GRID2: variants seen among roughly 807,000 people sequenced by gnomAD.
GRID2 encodes glutamate ionotropic receptor delta type subunit 2, also known as glutamate receptor ionotropic, delta-2.
Under a neutral mutation model 114.8 loss-of-function variants are expected in GRID2, and 33 were observed. The ratio of observed to expected loss-of-function variants is 0.29; its 90% confidence interval spans 0.22 to 0.38. The LOEUF (loss-of-function observed/expected upper bound fraction) is 0.38. Ranked by LOEUF, GRID2 falls within the 10% of genes least tolerant of loss-of-function variation. The pLI, the probability that GRID2 is intolerant of heterozygous loss-of-function variation, is 1.00. For synonymous variants in GRID2, 505 were observed against 449.9 expected (o/e 1.12, Z -1.55); for missense variants, 1,184 against 1,257.7 (o/e 0.94, Z 0.89).
intron 12 of GRID2, among the ~76,000 whole-genome samples, chr4:93,512,655 A>C (rs1729310568): frequency 6.6e-6 from 1 of 152,198 alleles, no homozygotes; most frequent in Non-Finnish European, 1.5e-5. Context: ...TCTAAATTAC[A>C]AAATGCTCTG....
intron 13 of GRID2, among the ~76,000 whole-genome samples, chr4:93,529,873 A>T (rs1251700943): frequency 6.6e-6 from 1 of 152,094 alleles, no homozygotes; most frequent in Non-Finnish European, 1.5e-5. Context: ...CTTCACCTGG[A>T]TGTCCTGTCA....
At chr4:93,621,918 T>G (rs2149683733) in intron 13 of GRID2, among the ~76,000 whole-genome samples, 1 of 149,602 alleles carries the variant, frequency 6.7e-6, no homozygotes, top group African/African-American at 2.4e-5. Flanking sequence ...TTACTATACA[T>G]TTAAGTAGAG....
At chr4:93,556,100 G>A (rs1336872219) in intron 13 of GRID2, among the ~76,000 whole-genome samples, 4 of 152,144 alleles carry the variant, frequency 2.6e-5, no homozygotes, top group African/African-American at 9.7e-5. Context: ...ATCCCCATCT[G>A]AAGGTCACCA....
chr4:93,438,621 A>G (rs1349978816), intron 10 of GRID2, among the ~76,000 whole-genome samples: 1 of 152,126 alleles, frequency 6.6e-6, no homozygotes, highest in East Asian at 1.9e-4. Context: ...TCTACATTAA[A>G]ACAACAGTAA....
chr4:93,626,887 A>G (rs1235162000), intron 14 of GRID2, among the ~76,000 whole-genome samples: 6 of 152,180 alleles, frequency 3.9e-5, no homozygotes, highest in Non-Finnish European at 7.4e-5. Context: ...TTCCACCTGA[A>G]TTTTTCAAAG....
intron 13 of GRID2, among the ~76,000 whole-genome samples, chr4:93,601,030 G>A (rs1199017034): frequency 2.0e-5 from 3 of 152,182 alleles, no homozygotes; most frequent in African/African-American, 7.2e-5. Flanking sequence ...AGAGGGCAAG[G>A]AAAATTTCTG....
At chr4:93,356,969 G>A (rs1033754583) in intron 8 of GRID2, among the ~76,000 whole-genome samples, 38 of 151,650 alleles carry the variant, frequency 2.5e-4, no homozygotes, top group African/African-American at 9.2e-4. Context: ...AGGTACTAAG[G>A]TTGATTTTAA....
intron 14 of GRID2, among the ~76,000 whole-genome samples, chr4:93,689,061 G>A (rs1312845857): frequency 1.3e-5 from 2 of 151,968 alleles, no homozygotes; most frequent in African/African-American, 4.8e-5. Flanking sequence ...CTTACATGAA[G>A]ATGAAATTAG....
intron 14 of GRID2, among the ~76,000 whole-genome samples, chr4:93,687,984 G>A (rs1726221871): frequency 1.3e-5 from 2 of 151,962 alleles, no homozygotes; most frequent in South Asian, 4.1e-4. Context: ...CCCTTGATGG[G>A]AGGACTGACA....
chr4:93,675,006 T>C (rs1724727551), intron 14 of GRID2, among the ~76,000 whole-genome samples: 1 of 152,198 alleles, frequency 6.6e-6, no homozygotes, highest in Admixed American at 6.5e-5. Context: ...ATTCTTTGGT[T>C]ATCTTTGATA....
At chr4:92,926,006 A>G (rs1749780320) in intron 2 of GRID2, among the ~76,000 whole-genome samples, 1 of 151,996 alleles carries the variant, frequency 6.6e-6, no homozygotes. Context: ...TCTGTTTACT[A>G]CAGAATTAAA....
intron 14 of GRID2, among the ~76,000 whole-genome samples, chr4:93,683,457 A>T (rs1471666581): frequency 1.3e-5 from 2 of 152,092 alleles, no homozygotes; most frequent in African/African-American, 4.8e-5. Flanking sequence ...AAATATTCCT[A>T]TACTCTGCTT....
At chr4:92,940,048 G>T (rs1750984863) in intron 2 of GRID2, among the ~76,000 whole-genome samples, 1 of 147,096 alleles carries the variant, frequency 6.8e-6, no homozygotes, top group African/African-American at 2.4e-5. Context: ...TGGCGATGCA[G>T]GCTCTTTTTT....
chr4:93,159,909 C>T (rs1032806), intron 4 of GRID2, among the ~76,000 whole-genome samples: 3 of 151,552 alleles, frequency 2.0e-5, no homozygotes, highest in Non-Finnish European at 4.4e-5. Context: ...ATTTCTGTAG[C>T]TATTTTATTT....
intron 2 of GRID2, among the ~76,000 whole-genome samples, chr4:92,816,318 CA>C (rs764487348): frequency 3.4e-3 from 164 of 48,266 alleles, no homozygotes; most frequent in African/African-American, 4.3e-3. Context: ...TCTGTCTCAC[CA>C]AAAAAAAAAA....
intron 14 of GRID2, among the ~76,000 whole-genome samples, chr4:93,698,556 G>A (rs886437813): frequency 6.6e-6 from 1 of 152,020 alleles, no homozygotes; most frequent in Non-Finnish European, 1.5e-5. Context: ...AAAGCACTTT[G>A]TCTTTTATGT....
At chr4:92,567,178 A>C (rs1217066748) in intron 1 of GRID2, among the ~76,000 whole-genome samples, 1 of 152,166 alleles carries the variant, frequency 6.6e-6, no homozygotes, top group African/African-American at 2.4e-5. Flanking sequence ...TTATCGGATC[A>C]GATAACCTCC....
chr4:92,956,137 T>C (rs1752392831), intron 2 of GRID2, among the ~76,000 whole-genome samples: 1 of 152,216 alleles, frequency 6.6e-6, no homozygotes, highest in South Asian at 2.1e-4. Flanking sequence ...ATTTCCTATA[T>C]ACTTCCTGTT....
chr4:92,815,183 ATATTCT>A (rs1560608341), intron 2 of GRID2, among the ~76,000 whole-genome samples: 1 of 152,092 alleles, frequency 6.6e-6, no homozygotes, highest in African/African-American at 2.4e-5. Flanking sequence ...TTTCTCCATC[ATATTCT>A]TATTAATATG....
Sources: gnomAD v4.1 joint callset for allele counts (sites outside exome capture counted in the v4.1 genomes callset) on GRCh38, gnomAD v4.1.1 for gene constraint, MANE v1.5 for transcripts, NCBI Gene and HGNC (gene_info 2026-07-23, HGNC 2026-07-21) for gene names.